The following CDH23 variants were observed in gnomAD, a reference collection of about 807,000 sequenced individuals.
CDH23 encodes cadherin-23.
In CDH23, 189 loss-of-function variants were observed where a neutral mutation model predicts 317.1. That is an observed-to-expected ratio of 0.60 (90% CI 0.53 to 0.67). The LOEUF (loss-of-function observed/expected upper bound fraction) is 0.67. CDH23 is among the 30% of genes least tolerant of loss of function. CDH23 has a pLI of 0.00. For missense variants in CDH23, 4,401 were observed against 4,592.4 expected (o/e 0.96, Z 1.20); for synonymous variants, 1,839 against 1,876.8 (o/e 0.98, Z 0.52).
chr10:71,612,917 C>T (rs952488545), intron 9 of CDH23, among the ~76,000 whole-genome samples: 3 of 151,966 alleles, frequency 2.0e-5, no homozygotes, highest in Admixed American at 1.3e-4. Flanking sequence ...GGTGTGATCT[C>T]GGCTCACTGC....
At position 71,511,018 on chromosome 10, in the gene CDH23, G is replaced by A. The variant is rs1384032147; in HGVS notation, c.336+17G>A. 2 of 1,613,534 alleles carry A rather than the reference G, an allele frequency of 1.2e-6. No individual in the cohort carries two copies. The highest frequency in any genetic ancestry group is 2.2e-5 in the East Asian group (1 of 44,892). On this transcript the variant is annotated intron_variant, in intron 5 of 69. Coordinates refer to ENST00000224721, the MANE Select transcript of CDH23 (RefSeq NM_022124.6). ...CACCAGGGGGTGAGTGTTCCCTGGGGCCCTGGAGGCATGTTCCTGGGGTCA... is the reference window on the plus strand; with the variant it reads ...CACCAGGGGGTGAGTGTTCCCTGGGACCCTGGAGGCATGTTCCTGGGGTCA...
intron 38 of CDH23, among the ~76,000 whole-genome samples, chr10:71,747,404 G>T (rs1372846358): frequency 2.0e-5 from 3 of 152,226 alleles, no homozygotes; most frequent in Non-Finnish European, 4.4e-5. Flanking sequence ...AACGTTTCTG[G>T]TGTGCAGTAC....
At chr10:71,519,727 A>G (rs1854550028) in intron 6 of CDH23, among the ~76,000 whole-genome samples, 1 of 152,106 alleles carries the variant, frequency 6.6e-6, no homozygotes, top group Non-Finnish European at 1.5e-5. Flanking sequence ...GAAGCACCAC[A>G]TACATAGGTT....
intron 11 of CDH23, among the ~76,000 whole-genome samples, chr10:71,638,022 C>A (rs989239589): frequency 6.6e-6 from 1 of 152,172 alleles, no homozygotes; most frequent in Non-Finnish European, 1.5e-5. Context: ...AAGAAAAGAA[C>A]ACACAAGGTC....
At position 71,534,534 on chromosome 10, in the gene CDH23, C is replaced by T. The variant is rs146520516; in HGVS notation, c.429+23322C>T. 3.0e-3 allele frequency among the ~76,000 whole-genome samples: 458 copies of T among 152,300 alleles called. 1 individual carries two copies. Among genetic ancestry groups the T allele is most frequent in the Non-Finnish European group, 5.0e-3 (342 of 68,032 alleles). On this transcript the variant is annotated intron_variant, in intron 6 of 69. Coordinates refer to ENST00000224721, the MANE Select transcript of CDH23 (RefSeq NM_022124.6). ...CTGACCCCTACACTTTCTTGAAATACCTTTCATTCCTAAAGTTCAGAAGAA... is the reference window on the plus strand; with the variant it reads ...CTGACCCCTACACTTTCTTGAAATATCTTTCATTCCTAAAGTTCAGAAGAA...
At chr10:71,665,560 C>T (rs193066196) in intron 14 of CDH23, among the ~76,000 whole-genome samples, 3 of 152,310 alleles carry the variant, frequency 2.0e-5, no homozygotes, top group Admixed American at 6.5e-5. Context: ...AGGCTGCAGC[C>T]GCTTGGCCTG....
intron 38 of CDH23, among the ~76,000 whole-genome samples, chr10:71,775,482 C>G (rs1395878661): frequency 6.6e-6 from 1 of 152,240 alleles, no homozygotes; most frequent in Non-Finnish European, 1.5e-5. Flanking sequence ...CACTGCCCAC[C>G]ACTGAGCCTC....
chr10:71,464,531 G>A (rs1851155436), intron 3 of CDH23, among the ~76,000 whole-genome samples: 2 of 152,158 alleles, frequency 1.3e-5, no homozygotes, highest in South Asian at 2.1e-4. Context: ...GTCTTCTGAG[G>A]CCCACCAGGT....
chr10:71,483,662 C>G (rs1248793101), intron 3 of CDH23, among the ~76,000 whole-genome samples: 1 of 152,234 alleles, frequency 6.6e-6, no homozygotes, highest in East Asian at 1.9e-4. Context: ...AAGGGCTGGT[C>G]CCTGGGCTCA....
chr10:71,627,626 C>T (rs1564696427), intron 11 of CDH23, among the ~76,000 whole-genome samples: 1 of 152,170 alleles, frequency 6.6e-6, no homozygotes, highest in Non-Finnish European at 1.5e-5. Flanking sequence ...CACCCCTCAC[C>T]TCCTCCACAC....
intron 38 of CDH23, among the ~76,000 whole-genome samples, chr10:71,772,002 C>T (rs1840696231): frequency 6.6e-6 from 1 of 152,220 alleles, no homozygotes; most frequent in African/African-American, 2.4e-5. Context: ...TGCTGGCTTG[C>T]CTGCCTGCCA....
intron 18 of CDH23, 105 bp downstream of exon 18, chr10:71,682,677 C>A: frequency 1.4e-6 from 2 of 1,423,056 alleles, no homozygotes; most frequent in Admixed American, 2.0e-5. Flanking sequence ...CCTTGGCTGT[C>A]CCTGCACCTT....
intron 29 of CDH23, among the ~76,000 whole-genome samples, chr10:71,724,701 C>G (rs1265893648): frequency 6.6e-6 from 1 of 152,232 alleles, no homozygotes; most frequent in Non-Finnish European, 1.5e-5. Context: ...GGGCAGCCCC[C>G]AGCAGCACGC....
At chr10:71,552,902 G>A (rs923047726) in intron 6 of CDH23, among the ~76,000 whole-genome samples, 2 of 152,146 alleles carry the variant, frequency 1.3e-5, no homozygotes, top group South Asian at 4.1e-4. Context: ...GGTAGGGGAC[G>A]TCAGGGAGTC....
intron 1 of CDH23, among the ~76,000 whole-genome samples, chr10:71,418,700 C>T (rs1488915862): frequency 6.6e-6 from 1 of 152,190 alleles, no homozygotes; most frequent in Admixed American, 6.5e-5. Flanking sequence ...TCTCTGGTAC[C>T]TTCAAGTGGA....
intron 45 of CDH23, among the ~76,000 whole-genome samples, chr10:71,789,312 A>G (rs1841182716): frequency 6.6e-6 from 1 of 152,114 alleles, no homozygotes; most frequent in Non-Finnish European, 1.5e-5. Flanking sequence ...ATCCCTCAAG[A>G]AGGGCATGTA....
chr10:71,437,630 G>T (rs1391264861), intron 1 of CDH23, among the ~76,000 whole-genome samples: 1 of 152,210 alleles, frequency 6.6e-6, no homozygotes. Flanking sequence ...GGCCTGGTAG[G>T]ATGCATGCCA....
chr10:71,802,066 G>C (rs542394939), intron 53 of CDH23, among the ~76,000 whole-genome samples: 60 of 152,366 alleles, frequency 3.9e-4, no homozygotes, highest in African/African-American at 1.4e-3. Flanking sequence ...CCAGCACTTT[G>C]GGAGGCCGAG....
intron 28 of CDH23, chr10:71,715,759 G>A (rs910536754): frequency 1.9e-5 from 10 of 530,060 alleles, no homozygotes; most frequent in African/African-American, 1.8e-4. Context: ...GTGCTCTTCT[G>A]AGGATCATCT....
Sources: allele counts gnomAD v4.1 joint callset (sites outside exome capture counted in the v4.1 genomes callset), GRCh38; gene constraint gnomAD v4.1.1; transcripts MANE v1.5; gene names NCBI Gene and HGNC (gene_info 2026-07-23, HGNC 2026-07-21).